ATRNL1: variants seen among roughly 807,000 people sequenced by gnomAD.
The protein encoded by ATRNL1 is attractin like 1.
A neutral mutation model predicts 182.7 loss-of-function variants in ATRNL1; 95 were observed. That is an observed-to-expected ratio of 0.52 (90% CI 0.44 to 0.62). The LOEUF (loss-of-function observed/expected upper bound fraction) is 0.62. ATRNL1 is among the 20% of genes least tolerant of loss of function. The pLI, the probability that ATRNL1 is intolerant of heterozygous loss-of-function variation, is 0.00. For synonymous variants in ATRNL1, 576 were observed against 568.3 expected (o/e 1.01, Z -0.19); for missense variants, 1,471 against 1,679.5 (o/e 0.88, Z 2.17).
intron 26 of ATRNL1, among the ~76,000 whole-genome samples, chr10:115,718,724 C>T (rs1382103521): frequency 1.3e-5 from 2 of 152,152 alleles, no homozygotes; most frequent in Admixed American, 1.3e-4. Flanking sequence ...GAAGAGTCAC[C>T]TTCAAAAATT....
intron 19 of ATRNL1, among the ~76,000 whole-genome samples, chr10:115,337,783 TTCATC>T (rs1219644702): frequency 1.3e-5 from 2 of 152,152 alleles, no homozygotes; most frequent in Non-Finnish European, 1.5e-5. Context: ...TCTTTATCCA[TTCATC>T]TGTTAATACA....
intron 26 of ATRNL1, among the ~76,000 whole-genome samples, chr10:115,550,510 A>G (rs1852913261): frequency 6.6e-6 from 1 of 151,882 alleles, no homozygotes; most frequent in East Asian, 1.9e-4. Context: ...AGTACTATCT[A>G]TAATATATTT....
intron 9 of ATRNL1, among the ~76,000 whole-genome samples, 196 bp downstream of exon 9, chr10:115,216,076 G>T (rs1849219315): frequency 6.6e-6 from 1 of 152,002 alleles, no homozygotes; most frequent in Non-Finnish European, 1.5e-5. Context: ...GTTCTTCTTT[G>T]CACTCATATT....
intron 26 of ATRNL1, among the ~76,000 whole-genome samples, chr10:115,623,978 TA>T (rs1393006227): frequency 2.6e-5 from 4 of 151,880 alleles, no homozygotes; most frequent in East Asian, 1.9e-4. Context: ...TTTTAAATTG[TA>T]AAAAAAATGA....
At chr10:115,419,052 A>C (rs1398970144) in intron 20 of ATRNL1, among the ~76,000 whole-genome samples, 1 of 152,236 alleles carries the variant, frequency 6.6e-6, no homozygotes, top group Non-Finnish European at 1.5e-5. Context: ...AATGAACGAC[A>C]AAACTATAAA....
intron 18 of ATRNL1, among the ~76,000 whole-genome samples, chr10:115,328,666 T>G (rs1172396953): frequency 3.9e-5 from 6 of 152,130 alleles, no homozygotes; most frequent in African/African-American, 1.4e-4. Flanking sequence ...CATATATGAC[T>G]GAGATCATGT....
intron 28 of ATRNL1, among the ~76,000 whole-genome samples, chr10:115,863,849 G>T (rs1181371719): frequency 3.3e-5 from 5 of 152,124 alleles, no homozygotes; most frequent in Non-Finnish European, 7.3e-5. Context: ...GATAAGCTTG[G>T]AATATCTAAT....
chr10:115,630,687 A>C (rs1198944745), intron 26 of ATRNL1, among the ~76,000 whole-genome samples: 2 of 148,296 alleles, frequency 1.3e-5, no homozygotes, highest in African/African-American at 4.9e-5. Context: ...TTTAGTATTT[A>C]TATATGTATA....
At chr10:115,816,880 G>T (rs1381029509) in intron 27 of ATRNL1, among the ~76,000 whole-genome samples, 1 of 152,094 alleles carries the variant, frequency 6.6e-6, no homozygotes, top group Admixed American at 6.6e-5. Flanking sequence ...ATAGAATCAT[G>T]TCTGGAGCTA....
intron 25 of ATRNL1, among the ~76,000 whole-genome samples, chr10:115,523,045 C>T (rs1487778972): frequency 1.3e-5 from 2 of 152,166 alleles, no homozygotes; most frequent in African/African-American, 4.8e-5. Context: ...CATCTGTCTG[C>T]AGGGTCTCCA....
At chr10:115,655,884 A>G (rs1860300156) in intron 26 of ATRNL1, among the ~76,000 whole-genome samples, 1 of 152,136 alleles carries the variant, frequency 6.6e-6, no homozygotes, top group South Asian at 2.1e-4. Flanking sequence ...TCCTTTGTCT[A>G]CTGCAAAAAT....
intron 26 of ATRNL1, among the ~76,000 whole-genome samples, chr10:115,665,715 GT>G (rs1860960427): frequency 6.6e-6 from 1 of 152,138 alleles, no homozygotes; most frequent in South Asian, 2.1e-4. Flanking sequence ...TTGAGTCACA[GT>G]TTGACCACTG....
intron 26 of ATRNL1, among the ~76,000 whole-genome samples, chr10:115,670,041 A>G (rs956818360): frequency 5.3e-5 from 8 of 152,126 alleles, no homozygotes; most frequent in Admixed American, 2.6e-4. Flanking sequence ...GAGGGATTAT[A>G]CTAGCATAGT....
intron 24 of ATRNL1, among the ~76,000 whole-genome samples, chr10:115,476,293 T>C (rs75597649): frequency 0.02 from 2,969 of 151,450 alleles, 94 homozygotes; most frequent in African/African-American, 0.066. Flanking sequence ...TTTTAATCCT[T>C]TTTAACTTTA....
chr10:115,368,490 C>A (rs536657189), intron 19 of ATRNL1, among the ~76,000 whole-genome samples: 3 of 152,302 alleles, frequency 2.0e-5, no homozygotes, highest in Admixed American at 6.5e-5. Flanking sequence ...TCTTCTGCGT[C>A]GCTCACGCTG....
intron 18 of ATRNL1, among the ~76,000 whole-genome samples, chr10:115,321,708 C>CA (rs1259068031): frequency 7.6e-6 from 1 of 131,982 alleles, no homozygotes; most frequent in Non-Finnish European, 1.6e-5. Flanking sequence ...TGGAACAACA[C>CA]AGAGATGCCC....
At chr10:115,849,709 T>A (rs539612245) in intron 28 of ATRNL1, among the ~76,000 whole-genome samples, 1 of 152,184 alleles carries the variant, frequency 6.6e-6, no homozygotes, top group East Asian at 1.9e-4. Flanking sequence ...ACATCATAAA[T>A]GAGGGGAGTG....
chr10:115,585,165 C>T (rs1376551652), intron 26 of ATRNL1, among the ~76,000 whole-genome samples: 2 of 98,514 alleles, frequency 2.0e-5, no homozygotes, highest in African/African-American at 6.8e-5. Context: ...AGCTTTACTT[C>T]CAAGTATGTG....
intron 26 of ATRNL1, among the ~76,000 whole-genome samples, chr10:115,641,761 AT>A (rs1181228970): frequency 5.0e-4 from 76 of 152,210 alleles, no homozygotes; most frequent in African/African-American, 1.8e-3. Flanking sequence ...TAAGAAATGT[AT>A]TTATTAGATA....
Sources: allele counts gnomAD v4.1 joint callset (sites outside exome capture counted in the v4.1 genomes callset), GRCh38; gene constraint gnomAD v4.1.1; transcripts MANE v1.5; gene names NCBI Gene and HGNC (gene_info 2026-07-23, HGNC 2026-07-21).